The following SORCS2 variants were observed in gnomAD, a reference collection of about 807,000 sequenced individuals.
The protein encoded by SORCS2 is VPS10 domain-containing receptor SorCS2.
A neutral mutation model predicts 141.6 loss-of-function variants in SORCS2; 100 were observed. The ratio of observed to expected loss-of-function variants is 0.71; its 90% CI spans 0.60 to 0.83. SORCS2 has a LOEUF of 0.83. Among genes scored for constraint, SORCS2 ranks in the 40% least tolerant of loss-of-function variants. The pLI is 0.00. For synonymous variants in SORCS2, 789 were observed against 676.9 expected (o/e 1.17, Z -2.57); for missense variants, 1,646 against 1,560.2 (o/e 1.05, Z -0.93).
chr4:7,327,440 T>C (rs1719337165), intron 1 of SORCS2, among the ~76,000 whole-genome samples: 1 of 152,228 alleles, frequency 6.6e-6, no homozygotes, highest in African/African-American at 2.4e-5. Flanking sequence ...ACGGGATTAG[T>C]ATGAGCTCAT....
rs191114662 is a variant in SORCS2 at position 7,582,187 on chromosome 4, C to T, written c.648+50558C>T. Reference sequence around the variant, plus strand: ...ACTTTGAAATGAAGGCGTTATTATTCCCAATTTTACAGATGCTGAAACTGA... The same window carrying T: ...ACTTTGAAATGAAGGCGTTATTATTTCCAATTTTACAGATGCTGAAACTGA... On this transcript the variant is annotated intron_variant, in intron 3 of 26. Coordinates refer to ENST00000507866, the MANE Select transcript of SORCS2 (RefSeq NM_020777.3). Among the ~76,000 whole-genome samples, 402 of 152,270 alleles carry T rather than the reference C, an allele frequency of 2.6e-3. 1 individual carries two copies. The highest frequency in any genetic ancestry group is 9.1e-3 in the African/African-American group (376 of 41,538).
chr4:7,479,137 C>T (rs148567795), intron 2 of SORCS2, among the ~76,000 whole-genome samples: 1,801 of 151,260 alleles, frequency 0.012, 31 homozygotes, highest in African/African-American at 0.041. Context: ...AGGGCAGAGT[C>T]GGGAGGAGCC....
At chr4:7,426,150 G>A (rs1312148520) in intron 2 of SORCS2, among the ~76,000 whole-genome samples, 1 of 152,252 alleles carries the variant, frequency 6.6e-6, no homozygotes, top group Non-Finnish European at 1.5e-5. Flanking sequence ...TGTGGCTGTA[G>A]ACCCAGAGGA....
chr4:7,355,909 A>C (rs1254295353), intron 1 of SORCS2, among the ~76,000 whole-genome samples: 1 of 152,222 alleles, frequency 6.6e-6, no homozygotes, highest in Admixed American at 6.5e-5. Flanking sequence ...GGCAGGAGGC[A>C]AAGCTTCCTT....
intron 1 of SORCS2, among the ~76,000 whole-genome samples, chr4:7,200,040 T>A (rs1339348992): frequency 3.3e-5 from 5 of 152,046 alleles, no homozygotes; most frequent in Non-Finnish European, 7.4e-5. Flanking sequence ...GGCTGGATTG[T>A]CTTCGGTTGC....
chr4:7,553,446 G>C (rs1280072732), intron 3 of SORCS2, among the ~76,000 whole-genome samples: 1 of 152,234 alleles, frequency 6.6e-6, no homozygotes, highest in East Asian at 1.9e-4. Flanking sequence ...GTAGATAGGT[G>C]CAGAAAAAGT....
At chr4:7,433,439 G>A in intron 2 of SORCS2, 1 of 1,537,210 alleles carries the variant, frequency 6.5e-7, no homozygotes. Flanking sequence ...AGGGCACACT[G>A]GTCGGTGCCC....
chr4:7,622,918 G>T (rs1436851513), intron 3 of SORCS2, among the ~76,000 whole-genome samples: 1 of 152,064 alleles, frequency 6.6e-6, no homozygotes, highest in Non-Finnish European at 1.5e-5. Flanking sequence ...TTCACCCACT[G>T]CTCATGATGC....
chr4:7,416,951 C>A (rs1375201200), intron 2 of SORCS2, among the ~76,000 whole-genome samples: 35 of 152,202 alleles, frequency 2.3e-4, no homozygotes, highest in Admixed American at 2.3e-3. Flanking sequence ...TACTCTCGCA[C>A]ACACACACCC....
At chr4:7,452,130 A>G (rs973022414) in intron 2 of SORCS2, among the ~76,000 whole-genome samples, 2 of 151,082 alleles carry the variant, frequency 1.3e-5, no homozygotes. Context: ...TCTGCCTTCC[A>G]GATGGAAGGC....
At chr4:7,575,643 G>A (rs1022885828) in intron 3 of SORCS2, among the ~76,000 whole-genome samples, 7 of 152,224 alleles carry the variant, frequency 4.6e-5, no homozygotes, top group Admixed American at 2.6e-4. Flanking sequence ...TAGAATGGTA[G>A]TACCCCAGTC....
intron 1 of SORCS2, among the ~76,000 whole-genome samples, chr4:7,230,344 T>C (rs867972889): frequency 4.6e-5 from 3 of 65,260 alleles, no homozygotes; most frequent in Non-Finnish European, 5.9e-5. Flanking sequence ...TGGGCAGGAC[T>C]AGTGTCATGT....
intron 2 of SORCS2, among the ~76,000 whole-genome samples, chr4:7,414,623 A>G (rs1489906448): frequency 6.6e-6 from 1 of 152,232 alleles, no homozygotes; most frequent in Non-Finnish European, 1.5e-5. Context: ...ACTCAAATGT[A>G]ATAATTCTAC....
chr4:7,588,061 C>T (rs1216124175), intron 3 of SORCS2, among the ~76,000 whole-genome samples: 1 of 152,226 alleles, frequency 6.6e-6, no homozygotes, highest in African/African-American at 2.4e-5. Context: ...CCTTGGTCCT[C>T]CAGTCGCTGG....
chr4:7,692,733 G>A (rs1266746450), intron 11 of SORCS2, among the ~76,000 whole-genome samples: 3 of 152,190 alleles, frequency 2.0e-5, no homozygotes, highest in African/African-American at 4.8e-5. Context: ...CTTCCCTGGG[G>A]TTTGGATTGA....
chr4:7,352,830 G>A (rs970087533), intron 1 of SORCS2, among the ~76,000 whole-genome samples: 12 of 152,170 alleles, frequency 7.9e-5, no homozygotes, highest in African/African-American at 2.9e-4. Context: ...CTTTGGTGAA[G>A]TCACGGCCTT....
intron 3 of SORCS2, among the ~76,000 whole-genome samples, chr4:7,635,970 C>T (rs768935383): frequency 3.3e-5 from 5 of 152,228 alleles, no homozygotes; most frequent in Non-Finnish European, 5.9e-5. Context: ...AACGCAGGCA[C>T]TCCTTGCAGA....
intron 8 of SORCS2, among the ~76,000 whole-genome samples, chr4:7,673,550 C>T (rs1354358225): frequency 6.6e-6 from 1 of 152,080 alleles, no homozygotes; most frequent in East Asian, 1.9e-4. Flanking sequence ...CTATAAACTA[C>T]ACATGAAAAA....
rs1242036991 is a variant in SORCS2 at position 7,217,964 on chromosome 4, C to T, written c.480+24838C>T. Among the ~76,000 whole-genome samples the T allele has an allele frequency of 2.0e-5, 3 of 152,184 alleles. No individual in the cohort carries two copies. In the East Asian group the frequency reaches 5.8e-4, roughly 29 times the overall value. On this transcript the variant is annotated intron_variant, in intron 1 of 26. Transcript: ENST00000507866. The stretch of plus-strand genomic sequence containing the variant: ...GCACGGTCCCAGGCTGCCTTTCCCA[C>T]TGTGCAGCTGGGTGATGCTGGACAG...
Sources: allele counts gnomAD v4.1 joint callset (sites outside exome capture counted in the v4.1 genomes callset), GRCh38; gene constraint gnomAD v4.1.1; transcripts MANE v1.5; gene names NCBI Gene and HGNC (gene_info 2026-07-23, HGNC 2026-07-21).